The following TLL2 variants were observed in gnomAD, a reference collection of about 807,000 sequenced individuals.
TLL2 encodes the protein tolloid like 2, also known as tolloid-like protein 2.
A neutral mutation model predicts 123.0 loss-of-function variants in TLL2; 106 were observed. The ratio of observed to expected loss-of-function variants is 0.86; its 90% confidence interval spans 0.74 to 1.01. The LOEUF (loss-of-function observed/expected upper bound fraction) is 1.01, where lower values mean the gene tolerates loss of function less well. Ranked by LOEUF, TLL2 falls within the 50% of genes least tolerant of loss-of-function variation. The pLI is 0.00. For synonymous variants in TLL2, 494 were observed against 516.8 expected, an observed-to-expected ratio of 0.96 and a Z score of 0.60; for missense variants, 1,332 against 1,336.7, an observed-to-expected ratio of 1.00 and a Z score of 0.06.
intron 1 of TLL2, among the ~76,000 whole-genome samples, chr10:96,509,202 G>A (rs569592700): frequency 2.6e-5 from 4 of 152,304 alleles, no homozygotes; most frequent in South Asian, 4.1e-4. Context: ...ACCCCAGCCT[G>A]TAAGTCTTCC....
At chr10:96,496,176 A>G (rs1847472998) in intron 1 of TLL2, among the ~76,000 whole-genome samples, 1 of 152,192 alleles carries the variant, frequency 6.6e-6, no homozygotes, top group African/African-American at 2.4e-5. Context: ...ACTCTTGCTC[A>G]GGATAGATAT....
chr10:96,508,360 A>G (rs1847596366), intron 1 of TLL2, among the ~76,000 whole-genome samples: 1 of 152,200 alleles, frequency 6.6e-6, no homozygotes, highest in Non-Finnish European at 1.5e-5. Flanking sequence ...ATGAAACCTG[A>G]TTGGTAGGAT....
At position 96,476,240 on chromosome 10, in the gene TLL2, A is replaced by ATATATATATATATTTTTTTTTT; in HGVS notation, c.286+4108_286+4109insAAAAAAAAAATATATATATATA. Among the ~76,000 whole-genome samples the ATATATATATATATTTTTTTTTT allele has an allele frequency of 9.8e-5, 2 of 20,500 alleles. 1 individual carries two copies. Among genetic ancestry groups the ATATATATATATATTTTTTTTTT allele is most frequent in the Non-Finnish European group, 2.0e-4 (2 of 10,016 alleles). 13.4% of individuals were successfully genotyped at this position (20,500 alleles called of 152,430 possible). A position where few individuals can be genotyped will look rare whatever the true frequency, so the allele number is the denominator to read the frequency against. ...TTTATATGTATATATATATATATAT[A>ATATATATATATATTTTTTTTTT]TTTTATTTTTGTTGTTGTTGTTGTT... On this transcript the variant is annotated intron_variant, in intron 2 of 20. Coordinates refer to ENST00000357947, the MANE Select transcript of TLL2 (RefSeq NM_012465.4).
intron 14 of TLL2, among the ~76,000 whole-genome samples, chr10:96,386,654 T>C (rs1371864728): frequency 2.0e-5 from 3 of 152,180 alleles, no homozygotes; most frequent in South Asian, 4.1e-4. Flanking sequence ...GTGCTCACAG[T>C]TTTTCTTTGC....
At position 96,397,288 on chromosome 10, in the gene TLL2, C is replaced by G; in HGVS notation, c.1282G>C (p.Asp428His). ...GAGACGAGGGGCTCCGGGATCTTATCGCCACAAAACCTGCCTGGAAAGTGG... is the reference window on the plus strand; with the variant it reads ...GAGACGAGGGGCTCCGGGATCTTATGGCCACAAAACCTGCCTGGAAAGTGG... ...KAPLLGRFCG[D>H]KIPEPLVSTD... Residue 428 changes from aspartate to histidine, a missense_variant, in exon 11 of 21, where the codon GAT becomes CAT. Asp to His is a moderately conservative substitution (Grantham distance 81). Coordinates refer to ENST00000357947, the MANE Select transcript of TLL2 (RefSeq NM_012465.4). 1 of 1,612,682 alleles carries G rather than the reference C, an allele frequency of 6.2e-7. No individual in the cohort carries two copies. Among genetic ancestry groups the G allele is most frequent in the Non-Finnish European group, 8.5e-7 (1 of 1,179,250 alleles).
chr10:96,468,529 A>G (rs2134097799), intron 2 of TLL2, among the ~76,000 whole-genome samples: 1 of 152,328 alleles, frequency 6.6e-6, no homozygotes, highest in Admixed American at 6.5e-5. Context: ...CCACGAGAAT[A>G]TACTCTTAAA....
Position 96,397,208 on chromosome 10 carries a change from CT to C in TLL2, c.1361del (p.Lys454ArgfsTer15), listed in dbSNP as rs1318703546. Reference sequence around the variant, plus strand: ...AACCTTCGTACGCTGCAAAGAAGCCCTTGCCCAAGATGTTGCTGCTGCTGCG... The same window carrying C: ...AACCTTCGTACGCTGCAAAGAAGCCCTGCCCAAGATGTTGCTGCTGCTGCG... ...EFRSSSNILGKGFFAAYEATC... is the reference protein window; with the variant it reads ...EFRSSSNILGXGFFAAYEATC... On this transcript the variant is annotated frameshift_variant, in exon 11 of 21. Transcript: ENST00000357947. LOFTEE classifies it high-confidence loss of function. 2.5e-6 allele frequency: 4 copies of C among 1,613,752 alleles called. No individual in the cohort carries two copies. In the African/African-American group the frequency reaches 5.3e-5, roughly 22 times the overall value.
intron 5 of TLL2, among the ~76,000 whole-genome samples, chr10:96,426,379 G>A (rs376585464): frequency 6.6e-6 from 1 of 151,440 alleles, no homozygotes; most frequent in African/African-American, 2.4e-5. Flanking sequence ...CTATTTATTT[G>A]GTGCCATCCT....
chr10:96,465,615 T>A (rs1046317533), intron 2 of TLL2, among the ~76,000 whole-genome samples: 1 of 152,164 alleles, frequency 6.6e-6, no homozygotes, highest in Admixed American at 6.5e-5. Flanking sequence ...CCTCCTTTAA[T>A]GAGGAAGGGG....
At chr10:96,504,836 A>C (rs1403642378) in intron 1 of TLL2, among the ~76,000 whole-genome samples, 1 of 152,016 alleles carries the variant, frequency 6.6e-6, no homozygotes, top group African/African-American at 2.4e-5. Flanking sequence ...TCACCGTGTC[A>C]TCTCTACTAA....
At chr10:96,446,039 C>T (rs1589424426) in intron 3 of TLL2, 52 bp downstream of exon 3, 1 of 1,579,950 alleles carries the variant, frequency 6.3e-7, no homozygotes, top group East Asian at 2.2e-5. Flanking sequence ...TGTATTTTTC[C>T]ACAACTGAAA....
At chr10:96,463,022 CAT>C (rs1847094961) in intron 2 of TLL2, among the ~76,000 whole-genome samples, 1 of 152,212 alleles carries the variant, frequency 6.6e-6, no homozygotes, top group African/African-American at 2.4e-5. Flanking sequence ...TTGCTTTGCA[CAT>C]GTCTGTGAAT....
intron 9 of TLL2, among the ~76,000 whole-genome samples, chr10:96,408,336 C>T (rs758528821): frequency 8.5e-5 from 13 of 152,146 alleles, no homozygotes; most frequent in Non-Finnish European, 1.6e-4. Context: ...AGAGGTGATA[C>T]TCGAATCAAT....
intron 9 of TLL2, among the ~76,000 whole-genome samples, chr10:96,407,972 G>A (rs1846467332): frequency 6.6e-6 from 1 of 152,164 alleles, no homozygotes; most frequent in Non-Finnish European, 1.5e-5. Flanking sequence ...AATCAACTTT[G>A]AAGCTTTGAA....
At chr10:96,460,590 T>C (rs1847071966) in intron 2 of TLL2, among the ~76,000 whole-genome samples, 1 of 152,122 alleles carries the variant, frequency 6.6e-6, no homozygotes, top group African/African-American at 2.4e-5. Flanking sequence ...CAAGATCTGA[T>C]TGTTTAAAAG....
intron 2 of TLL2, among the ~76,000 whole-genome samples, chr10:96,476,241 T>TATATATATATATATATATC (rs1554939631): frequency 2.8e-5 from 2 of 72,390 alleles, no homozygotes; most frequent in Admixed American, 1.5e-4. Context: ...TATATATATA[T>TATATATATATATATATATC]TTTATTTTTG....
At chr10:96,444,226 A>G (rs1158462501) in intron 3 of TLL2, among the ~76,000 whole-genome samples, 2 of 152,222 alleles carry the variant, frequency 1.3e-5, no homozygotes, top group Non-Finnish European at 2.9e-5. Flanking sequence ...TTGAAACACA[A>G]CCTAGCAACA....
chr10:96,469,227 C>A (rs1470041778), intron 2 of TLL2, among the ~76,000 whole-genome samples: 5 of 152,346 alleles, frequency 3.3e-5, no homozygotes, highest in Non-Finnish European at 7.4e-5. Flanking sequence ...AGCACACTAC[C>A]CTTCCCTCCG....
chr10:96,505,885 T>G (rs1193819457), intron 1 of TLL2, among the ~76,000 whole-genome samples: 1 of 152,192 alleles, frequency 6.6e-6, no homozygotes, highest in African/African-American at 2.4e-5. Context: ...GAGTTTCTAT[T>G]AACGGCATGA....
Sources: gnomAD v4.1 joint callset for allele counts (sites outside exome capture counted in the v4.1 genomes callset) on GRCh38, gnomAD v4.1.1 for gene constraint, MANE v1.5 for transcripts, NCBI Gene and HGNC (gene_info 2026-07-23, HGNC 2026-07-21) for gene names.